LINGO1: variants seen among roughly 807,000 people sequenced by gnomAD.
The protein encoded by LINGO1 is leucine-rich repeat and immunoglobulin-like domain-containing nogo receptor-interacting protein 1.
Under a neutral mutation model 37.3 loss-of-function variants are expected in LINGO1, and 11 were observed. That is an observed-to-expected ratio of 0.29 (90% CI 0.19 to 0.49). The LOEUF is 0.49. Among genes scored for constraint, LINGO1 ranks in the 20% least tolerant of loss-of-function variants. The pLI, the probability that LINGO1 is intolerant of heterozygous loss-of-function variation, is 0.99. For missense variants in LINGO1, 585 were observed against 878.2 expected (o/e 0.67, Z 4.22); for synonymous variants, 387 against 403.0 (o/e 0.96, Z 0.48).
At chr15:77,799,125 C>A (rs1187104541) in intron 1 of LINGO1, among the ~76,000 whole-genome samples, 1 of 152,188 alleles carries the variant, frequency 6.6e-6, no homozygotes, top group Non-Finnish European at 1.5e-5. Context: ...CAGGTCTCCT[C>A]TTCCCCAGAC....
At chr15:77,680,516 C>A (rs2075396520) in intron 2 of LINGO1, among the ~76,000 whole-genome samples, 1 of 152,204 alleles carries the variant, frequency 6.6e-6, no homozygotes, top group Non-Finnish European at 1.5e-5. Context: ...AATAATCTCA[C>A]TTCCCAAATT....
intron 1 of LINGO1, among the ~76,000 whole-genome samples, chr15:77,811,819 G>A (rs2077008057): frequency 6.6e-6 from 1 of 152,038 alleles, no homozygotes; most frequent in Non-Finnish European, 1.5e-5. Flanking sequence ...AAATACTCTG[G>A]AAAAAACAGA....
chr15:77,697,141 T>C (rs568803355), upstream of LINGO1, among the ~76,000 whole-genome samples: 14 of 152,204 alleles, frequency 9.2e-5, no homozygotes, highest in African/African-American at 3.4e-4. Context: ...CGGGGCTCAG[T>C]GCCAGGTTCC....
At chr15:77,811,017 C>G (rs375939997) in intron 1 of LINGO1, among the ~76,000 whole-genome samples, 3 of 152,056 alleles carry the variant, frequency 2.0e-5, no homozygotes, top group East Asian at 1.9e-4. Context: ...TCCGAGGTTA[C>G]AGAGTCTTTG....
rs555435451 is a variant in LINGO1, at chr15:77,719,729, C to A, written c.-195+15263G>T. 4.0e-5 allele frequency among the ~76,000 whole-genome samples: 6 copies of A among 150,078 alleles called. 1 individual carries two copies. In the South Asian group the frequency reaches 1.3e-3, roughly 32 times the overall value. The stretch of plus-strand genomic sequence containing the variant: ...ACATATGTGTACTCACATTCACGCA[C>A]ATATATACAATCTCATTCACACACT... On this transcript the variant is annotated intron_variant, in intron 2 of 3. Coordinates refer to the LINGO1 transcript ENST00000561686.
chr15:77,755,867 C>A (rs546463192), intron 1 of LINGO1, among the ~76,000 whole-genome samples: 1 of 152,328 alleles, frequency 6.6e-6, no homozygotes, highest in African/African-American at 2.4e-5. Context: ...TCCTTCCTCC[C>A]GCCAGCAAAG....
intron 2 of LINGO1, among the ~76,000 whole-genome samples, chr15:77,703,274 T>C (rs1180310199): frequency 6.6e-6 from 1 of 152,182 alleles, no homozygotes; most frequent in African/African-American, 2.4e-5. Flanking sequence ...GGGGGATTCT[T>C]GTAACTGAGA....
intron 1 of LINGO1, 149 bp from the exon 2 acceptor site, chr15:77,616,049 G>A (rs1321453483): frequency 1.9e-6 from 1 of 518,074 alleles, no homozygotes; most frequent in Admixed American, 3.5e-5. Flanking sequence ...CAGGCCAGAG[G>A]GCCTCTGGCC....
intron 2 of LINGO1, among the ~76,000 whole-genome samples, chr15:77,677,458 C>G (rs976314129): frequency 3.3e-5 from 5 of 152,120 alleles, no homozygotes; most frequent in African/African-American, 1.2e-4. Context: ...CACTGTCTCT[C>G]CATGTCCTCC....
chr15:77,614,567 C>G lies in LINGO1; in HGVS notation c.1340G>C (p.Arg447Pro), dbSNP rs781204435. 2 of 1,610,536 alleles carry G rather than the reference C, an allele frequency of 1.2e-6. No homozygotes were observed. Among genetic ancestry groups the G allele is most frequent in the Non-Finnish European group, 1.7e-6 (2 of 1,179,046 alleles). The stretch of plus-strand genomic sequence containing the variant: ...GGCGGGCGGCGGGTCGCCATCGGCC[C>G]GGCACACAAACTGCACCGTGTGGCC... ...DEGHTVQFVC[R>P]ADGDPPPAIL... Residue 447 changes from arginine to proline, a missense_variant, in exon 2 of 2, where the codon CGG (arginine) becomes CCG (proline). By Grantham distance (103) the Arg-to-Pro change is moderately radical. Coordinates refer to ENST00000355300, the MANE Select transcript of LINGO1 (RefSeq NM_032808.7).
upstream of LINGO1, among the ~76,000 whole-genome samples, chr15:77,700,477 AC>A (rs956338848): frequency 6.6e-6 from 1 of 152,072 alleles, no homozygotes; most frequent in Non-Finnish European, 1.5e-5. Flanking sequence ...TCGGGCACAT[AC>A]CCTGTGCCAG....
chr15:77,649,622 G>C (rs74882329), intron 3 of LINGO1, among the ~76,000 whole-genome samples: 2,291 of 152,274 alleles, frequency 0.015, 63 homozygotes, highest in African/African-American at 0.052. Context: ...TTCTGGGTCA[G>C]GGTGGAGAGC....
chr15:77,782,895 C>G (rs2076734154), intron 1 of LINGO1, among the ~76,000 whole-genome samples: 1 of 152,092 alleles, frequency 6.6e-6, no homozygotes, highest in South Asian at 2.1e-4. Context: ...CTGGCTTAAT[C>G]CCCTCCAGAG....
intron 1 of LINGO1, among the ~76,000 whole-genome samples, chr15:77,779,709 G>A (rs774533490): frequency 5.3e-5 from 8 of 152,236 alleles, no homozygotes; most frequent in South Asian, 4.2e-4. Flanking sequence ...AGCTTCACTC[G>A]CTCACTACTG....
At chr15:77,669,025 T>G (rs1441865392) in intron 3 of LINGO1, among the ~76,000 whole-genome samples, 1 of 152,236 alleles carries the variant, frequency 6.6e-6, no homozygotes, top group Non-Finnish European at 1.5e-5. Flanking sequence ...ACAGGAGATT[T>G]TGCTTCACAG....
intron 1 of LINGO1, among the ~76,000 whole-genome samples, chr15:77,620,066 C>A (rs907400): frequency 0.89 from 134,753 of 152,262 alleles, 59,854 homozygotes; most frequent in East Asian, 1. Flanking sequence ...GTCACGTCTG[C>A]GGGGTCACCC....
At chr15:77,695,160 A>C (rs1379271428) in intron 1 of LINGO1, among the ~76,000 whole-genome samples, 2 of 152,176 alleles carry the variant, frequency 1.3e-5, no homozygotes, top group Admixed American at 6.5e-5. Flanking sequence ...ACAGCTTGTA[A>C]GTGCTGGAGC....
At chr15:77,738,505 A>T (rs1402781137) in intron 1 of LINGO1, among the ~76,000 whole-genome samples, 1 of 152,000 alleles carries the variant, frequency 6.6e-6, no homozygotes, top group Non-Finnish European at 1.5e-5. Flanking sequence ...CCCTCTTACC[A>T]TCCCTAGGCA....
chr15:77,738,747 TGAAGGAAG>T (rs1166793124), intron 1 of LINGO1, among the ~76,000 whole-genome samples: 8,754 of 110,216 alleles, frequency 0.079, 326 homozygotes, highest in Middle Eastern at 0.13. Flanking sequence ...ACATATTTGC[TGAAGGAAG>T]GAAGGAAGGA....
Sources: allele counts gnomAD v4.1 joint callset (sites outside exome capture counted in the v4.1 genomes callset), GRCh38; gene constraint gnomAD v4.1.1; transcripts MANE v1.5; gene names NCBI Gene and HGNC (gene_info 2026-07-23, HGNC 2026-07-21).